The following GPR107 variants were observed in gnomAD, a reference collection of about 807,000 sequenced individuals.
The protein encoded by GPR107 is protein GPR107.
Under a neutral mutation model 75.5 loss-of-function variants are expected in GPR107, and 31 were observed. That is an observed-to-expected ratio of 0.41 (90% CI 0.31 to 0.55). GPR107 has a LOEUF of 0.55. Among genes scored for constraint, GPR107 ranks in the 20% least tolerant of loss-of-function variants. The pLI is 0.26. For synonymous variants in GPR107, 267 were observed against 251.3 expected (o/e 1.06, Z -0.59); for missense variants, 572 against 665.7 (o/e 0.86, Z 1.55).
intron 14 of GPR107, among the ~76,000 whole-genome samples, chr9:130,111,968 A>G (rs1441368613): frequency 6.6e-6 from 1 of 151,984 alleles, no homozygotes; most frequent in African/African-American, 2.4e-5. Context: ...AGACACACCT[A>G]GCGCTGGCTC....
intron 17 of GPR107, among the ~76,000 whole-genome samples, chr9:130,132,613 CACATCTCTACCA>C (rs1554899276): frequency 3.3e-5 from 5 of 152,028 alleles, no homozygotes. Context: ...ATGGTGAAAC[CACATCTCTACCA>C]AAAATACAAA....
intron 14 of GPR107, among the ~76,000 whole-genome samples, chr9:130,111,415 C>G (rs1218817122): frequency 2.0e-5 from 3 of 151,864 alleles, no homozygotes; most frequent in Non-Finnish European, 4.4e-5. Flanking sequence ...GCCTGTAGTC[C>G]CAGCTACTTG....
At chr9:130,108,799 T>C in intron 14 of GPR107, 1 of 455,044 alleles carries the variant, frequency 2.2e-6, no homozygotes, top group Non-Finnish European at 4.4e-6. Flanking sequence ...CCCTCTGGAG[T>C]GTCCTCTTGT....
At chr9:130,071,743 G>A (rs1830217518) in intron 1 of GPR107, among the ~76,000 whole-genome samples, 1 of 152,042 alleles carries the variant, frequency 6.6e-6, no homozygotes, top group Admixed American at 6.6e-5. Flanking sequence ...GAGTGCAATG[G>A]TGCAATCTCC....
intron 3 of GPR107, 38 bp from the exon 4 acceptor site, chr9:130,077,261 T>C: frequency 9.8e-7 from 1 of 1,016,104 alleles, no homozygotes; most frequent in Non-Finnish European, 1.6e-6. Context: ...CTAGTGTGAA[T>C]GAATAAGATG....
chr9:130,134,749 A>T (rs918058210), intron 17 of GPR107, among the ~76,000 whole-genome samples: 1 of 152,380 alleles, frequency 6.6e-6, no homozygotes, highest in East Asian at 1.9e-4. Context: ...GATGATTGTG[A>T]TAACGATAGC....
At chr9:130,092,447 T>C in intron 9 of GPR107, 66 bp downstream of exon 9, 1 of 1,363,426 alleles carries the variant, frequency 7.3e-7, no homozygotes, top group Non-Finnish European at 1.0e-6. Flanking sequence ...GTTTGTTGGC[T>C]CCTGAACCTG....
chr9:130,106,158 C>T (rs908730700), intron 13 of GPR107, among the ~76,000 whole-genome samples: 5 of 152,112 alleles, frequency 3.3e-5, no homozygotes, highest in African/African-American at 4.8e-5. Context: ...AACAAGCTGT[C>T]GAGGTGTAAG....
rs1270111444 is a variant in GPR107, at chr9:130,062,652, GCCTGCCTGCCTTCCTTCCTT to G, written c.141+8583_141+8602del. Among the ~76,000 whole-genome samples the G allele has an allele frequency of 9.6e-3, 1,066 of 110,968 alleles. 9 individuals carry two copies. Among genetic ancestry groups the G allele is most frequent in the African/African-American group, 0.03 (948 of 31,368 alleles). 72.8% of individuals were successfully genotyped at this position (110,968 alleles called of 152,430 possible). A position where few individuals can be genotyped will look rare whatever the true frequency, so the allele number is the denominator to read the frequency against. Reference sequence around the variant, plus strand: ...TGCCTTCCTGCCTGCCTGCCTGCCTGCCTGCCTGCCTTCCTTCCTTCCTTCCTTCCTTCCTTCCTTCCTTC... The same window carrying G: ...TGCCTTCCTGCCTGCCTGCCTGCCTGCCTTCCTTCCTTCCTTCCTTCCTTC... On this transcript the variant is annotated intron_variant, in intron 1 of 17. Coordinates refer to ENST00000347136, the MANE Select transcript of GPR107 (RefSeq NM_020960.5).
At chr9:130,115,728 A>G (rs902278056) in intron 14 of GPR107, among the ~76,000 whole-genome samples, 5 of 143,248 alleles carry the variant, frequency 3.5e-5, no homozygotes, top group African/African-American at 1.3e-4. Context: ...GCACCACTGC[A>G]CTCCAGCCTG....
chr9:130,067,532 A>G (rs992799459), intron 1 of GPR107, among the ~76,000 whole-genome samples: 4 of 152,154 alleles, frequency 2.6e-5, no homozygotes, highest in African/African-American at 9.7e-5. Context: ...CTGAGAAGAC[A>G]GCCCGTTTGC....
At position 130,139,529 on chromosome 9, in the gene GPR107, A is replaced by G. The variant is rs1443726257; in HGVS notation, c.*4408A>G. ...GGTTCACTGCCAGGCCATGGGCCCC[A>G]CACATCTCAGGCCCTGTGTGAGGGA... On this transcript the variant is annotated 3_prime_UTR_variant, in exon 18 of 18. Transcript: ENST00000347136. 1 of 152,206 alleles carries G rather than the reference A, an allele frequency of 6.6e-6. No homozygotes were observed. Among genetic ancestry groups the G allele is most frequent in the Non-Finnish European group, 1.5e-5 (1 of 68,060 alleles). 9.4% of individuals were successfully genotyped at this position (152,206 alleles called of 1,614,324 possible).
chr9:130,128,879 A>C, intron 17 of GPR107, 118 bp downstream of exon 17: 1 of 911,816 alleles, frequency 1.1e-6, no homozygotes, highest in Non-Finnish European at 1.7e-6. Flanking sequence ...TGGTTCCTCT[A>C]TTTTTAGCAG....
At chr9:130,058,119 G>A (rs943673142) in intron 1 of GPR107, among the ~76,000 whole-genome samples, 2 of 151,978 alleles carry the variant, frequency 1.3e-5, no homozygotes, top group African/African-American at 2.4e-5. Context: ...GTGAGCCACC[G>A]CTCCTGGCTA....
chr9:130,128,991 C>G, intron 17 of GPR107: 1 of 442,494 alleles, frequency 2.3e-6, no homozygotes, highest in South Asian at 3.0e-5. Flanking sequence ...ACTTGCCGTT[C>G]CACTAAGCAT....
At chr9:130,067,144 CAG>C (rs1830090984) in intron 1 of GPR107, among the ~76,000 whole-genome samples, 1 of 152,140 alleles carries the variant, frequency 6.6e-6, no homozygotes, top group Non-Finnish European at 1.5e-5. Flanking sequence ...CTTATGTATG[CAG>C]AGAGAGTTCT....
At chr9:130,114,054 T>TC (rs1831367104) in intron 14 of GPR107, among the ~76,000 whole-genome samples, 1 of 149,956 alleles carries the variant, frequency 6.7e-6, no homozygotes, top group Non-Finnish European at 1.5e-5. Flanking sequence ...TTTTTTCATT[T>TC]TTTTTTTTTA....
chr9:130,085,297 G>A (rs1830589066), intron 6 of GPR107, among the ~76,000 whole-genome samples: 1 of 152,148 alleles, frequency 6.6e-6, no homozygotes, highest in East Asian at 1.9e-4. Flanking sequence ...AGCCAGTTAG[G>A]GTCATGGGAG....
At chr9:130,109,895 C>T (rs925103042) in intron 14 of GPR107, among the ~76,000 whole-genome samples, 2 of 152,162 alleles carry the variant, frequency 1.3e-5, no homozygotes, top group African/African-American at 2.4e-5. Context: ...TAATATATCG[C>T]GATGAGACCA....
Sources: allele counts gnomAD v4.1 joint callset (sites outside exome capture counted in the v4.1 genomes callset), GRCh38; gene constraint gnomAD v4.1.1; transcripts MANE v1.5; gene names NCBI Gene and HGNC (gene_info 2026-07-23, HGNC 2026-07-21).